The following GRM5 variants were observed in gnomAD, a reference collection of about 807,000 sequenced individuals.
The protein encoded by GRM5 is glutamate metabotropic receptor 5.
Under a neutral mutation model 83.1 loss-of-function variants are expected in GRM5, and 19 were observed. The ratio of observed to expected loss-of-function variants is 0.23; its 90% CI spans 0.16 to 0.34. The LOEUF is 0.34. GRM5 is among the 10% of genes least tolerant of loss of function. The pLI is 1.00. For missense variants in GRM5, 1,160 were observed against 1,588.3 expected (o/e 0.73, Z 4.58); for synonymous variants, 675 against 633.6 (o/e 1.07, Z -0.98).
intron 3 of GRM5, among the ~76,000 whole-genome samples, chr11:88,681,808 A>T (rs1265537252): frequency 6.6e-6 from 1 of 151,358 alleles, no homozygotes; most frequent in East Asian, 1.9e-4. Context: ...TGACCTTATG[A>T]TCCACCCACC....
At chr11:88,695,505 C>A (rs951705509) in intron 3 of GRM5, among the ~76,000 whole-genome samples, 1 of 152,116 alleles carries the variant, frequency 6.6e-6, no homozygotes, top group African/African-American at 2.4e-5. Context: ...ATAACTATGA[C>A]TTTTTTGACT....
At chr11:88,808,724 C>T (rs1340051380) in intron 3 of GRM5, among the ~76,000 whole-genome samples, 3 of 151,886 alleles carry the variant, frequency 2.0e-5, no homozygotes, top group Non-Finnish European at 2.9e-5. Context: ...ACCTTAACAG[C>T]TTCTCTTTTT....
At chr11:88,607,239 C>T (rs1938178738) in intron 4 of GRM5, among the ~76,000 whole-genome samples, 1 of 152,184 alleles carries the variant, frequency 6.6e-6, no homozygotes, top group African/African-American at 2.4e-5. Flanking sequence ...CATATTTCCA[C>T]ATTTTACCTC....
At chr11:88,892,305 C>A (rs537383191) in intron 2 of GRM5, among the ~76,000 whole-genome samples, 4 of 152,044 alleles carry the variant, frequency 2.6e-5, no homozygotes, top group Admixed American at 2.6e-4. Flanking sequence ...TGGCCTCATA[C>A]CTTGTCTACA....
intron 1 of GRM5, among the ~76,000 whole-genome samples, chr11:89,060,882 A>G (rs930813394): frequency 2.5e-4 from 38 of 152,178 alleles, no homozygotes; most frequent in African/African-American, 7.7e-4. Context: ...TGCACTAAAA[A>G]TATTTCTTTT....
chr11:88,670,146 G>T (rs1313307614), intron 3 of GRM5, among the ~76,000 whole-genome samples: 1 of 151,858 alleles, frequency 6.6e-6, no homozygotes, highest in African/African-American at 2.4e-5. Context: ...CAAAGAAGTA[G>T]GAAAAAATGT....
At chr11:88,801,507 A>G (rs1943393515) in intron 3 of GRM5, among the ~76,000 whole-genome samples, 4 of 152,176 alleles carry the variant, frequency 2.6e-5, no homozygotes, top group African/African-American at 9.7e-5. Flanking sequence ...AACTGCACAG[A>G]ACAATTTAGT....
intron 3 of GRM5, among the ~76,000 whole-genome samples, chr11:88,783,875 C>T (rs774849258): frequency 1.3e-5 from 2 of 152,050 alleles, no homozygotes; most frequent in Non-Finnish European, 2.9e-5. Context: ...AGCATCTATA[C>T]ACTGGCACAT....
At chr11:88,896,300 G>A (rs1398860965) in intron 2 of GRM5, among the ~76,000 whole-genome samples, 2 of 151,726 alleles carry the variant, frequency 1.3e-5, no homozygotes, top group Non-Finnish European at 2.9e-5. Context: ...ATTCCAAAAG[G>A]GAAAGGCATC....
chr11:88,590,428 C>G (rs1017059584), intron 7 of GRM5, among the ~76,000 whole-genome samples, 173 bp downstream of exon 7: 1 of 152,128 alleles, frequency 6.6e-6, no homozygotes, highest in African/African-American at 2.4e-5. Context: ...TCCCAGAGGT[C>G]TGAAGATTTG....
Position 88,987,098 on chromosome 11 carries a change from C to T in GRM5, c.661+60114G>A, listed in dbSNP as rs376852225. 8.0e-3 allele frequency among the ~76,000 whole-genome samples: 1,220 copies of T among 152,048 alleles called. 12 individuals carry two copies. Among genetic ancestry groups the T allele is most frequent in the African/African-American group, 0.028 (1,151 of 41,488 alleles). ...ATTTCTGCATTTCCATCTGAGGTAC[C>T]GGGTTCATCTCACTAGGGAGTGCCA... On this transcript the variant is annotated intron_variant, in intron 2 of 9. Coordinates refer to ENST00000305447, the MANE Select transcript of GRM5 (RefSeq NM_001143831.3).
intron 3 of GRM5, among the ~76,000 whole-genome samples, chr11:88,681,118 A>C (rs372217925): frequency 8.0e-4 from 122 of 152,218 alleles, no homozygotes; most frequent in African/African-American, 2.8e-3. Flanking sequence ...TCAGTATTTC[A>C]ATTTTTCTCA....
intron 3 of GRM5, among the ~76,000 whole-genome samples, chr11:88,674,122 T>C (rs986406679): frequency 2.0e-5 from 3 of 151,840 alleles, no homozygotes; most frequent in African/African-American, 4.8e-5. Flanking sequence ...TATTTAGGTG[T>C]GAGAGGGAGT....
At chr11:88,553,462 T>C (rs944956215) in intron 8 of GRM5, among the ~76,000 whole-genome samples, 6 of 152,150 alleles carry the variant, frequency 3.9e-5, no homozygotes, top group African/African-American at 1.4e-4. Context: ...ATAATGTGTC[T>C]GCCTGAGTCA....
chr11:88,954,609 A>T (rs1193260565), intron 2 of GRM5, among the ~76,000 whole-genome samples: 1 of 152,224 alleles, frequency 6.6e-6, no homozygotes, highest in Non-Finnish European at 1.5e-5. Flanking sequence ...GCTATTGAGT[A>T]CTTGAAATGT....
chr11:88,966,904 C>T (rs754209179), intron 2 of GRM5, among the ~76,000 whole-genome samples: 7 of 152,090 alleles, frequency 4.6e-5, no homozygotes, highest in Non-Finnish European at 8.8e-5. Context: ...GAAGCATAAT[C>T]TTTAGCAGTG....
intron 2 of GRM5, among the ~76,000 whole-genome samples, chr11:88,928,496 A>C (rs373728605): frequency 3.4e-5 from 4 of 116,762 alleles, no homozygotes; most frequent in African/African-American, 9.9e-5. Flanking sequence ...ATATATGTAT[A>C]TATATATATG....
intron 3 of GRM5, among the ~76,000 whole-genome samples, chr11:88,769,887 G>T (rs1116377): frequency 0.72 from 109,620 of 151,846 alleles, 39,986 homozygotes; most frequent in African/African-American, 0.75. Context: ...CTGTGCAAAG[G>T]GACTTCCTTC....
chr11:88,760,897 T>C (rs1175486548), intron 3 of GRM5, among the ~76,000 whole-genome samples: 1 of 152,050 alleles, frequency 6.6e-6, no homozygotes, highest in Non-Finnish European at 1.5e-5. Flanking sequence ...GCAAGGTTGG[T>C]TCAAGGGATG....
Sources: gnomAD v4.1 joint callset for allele counts (sites outside exome capture counted in the v4.1 genomes callset) on GRCh38, gnomAD v4.1.1 for gene constraint, MANE v1.5 for transcripts, NCBI Gene and HGNC (gene_info 2026-07-23, HGNC 2026-07-21) for gene names.